The following DNAH14 variants were observed in gnomAD, a reference collection of about 807,000 sequenced individuals.
DNAH14 encodes the protein dynein axonemal heavy chain 14.
A neutral mutation model predicts 520.9 loss-of-function variants in DNAH14; 478 were observed. That is an observed-to-expected ratio of 0.92 (90% CI 0.85 to 0.99). The LOEUF (loss-of-function observed/expected upper bound fraction) is 0.99, where lower values mean the gene tolerates loss of function less well. DNAH14 is among the 50% of genes least tolerant of loss of function. The pLI, the probability that DNAH14 is intolerant of heterozygous loss-of-function variation, is 0.00. For missense variants in DNAH14, 4,831 were observed against 5,234.5 expected, an observed-to-expected ratio of 0.92 and a Z score of 2.38; for synonymous variants, 1,581 against 1,757.2, an observed-to-expected ratio of 0.90 and a Z score of 2.51.
At chr1:225,106,589 T>G (rs1306556466) in intron 23 of DNAH14, among the ~76,000 whole-genome samples, 2 of 152,220 alleles carry the variant, frequency 1.3e-5, no homozygotes, top group African/African-American at 4.8e-5. Flanking sequence ...CTTTTTATTC[T>G]TTTTTCTCTA....
intron 55 of DNAH14, among the ~76,000 whole-genome samples, chr1:225,299,431 C>T (rs1399408721): frequency 6.6e-6 from 1 of 152,064 alleles, no homozygotes. Flanking sequence ...TTTTTGAGAG[C>T]AAATCCAAGT....
intron 41 of DNAH14, among the ~76,000 whole-genome samples, chr1:225,212,346 A>G (rs921665927): frequency 6.6e-6 from 1 of 152,140 alleles, no homozygotes; most frequent in Non-Finnish European, 1.5e-5. Context: ...TGAGATTGTG[A>G]ATAGTGCCGC....
intron 8 of DNAH14, among the ~76,000 whole-genome samples, chr1:224,987,937 C>T (rs575100177): frequency 3.9e-4 from 59 of 152,176 alleles, no homozygotes; most frequent in Non-Finnish European, 7.1e-4. Context: ...ATGTGCAGGA[C>T]GTGCAGGTTT....
intron 30 of DNAH14, among the ~76,000 whole-genome samples, chr1:225,146,265 T>TCTGATTC (rs2079930763): frequency 6.6e-6 from 1 of 152,156 alleles, no homozygotes; most frequent in Non-Finnish European, 1.5e-5. Context: ...TAAGACAAGA[T>TCTGATTC]CTGATTCCTG....
At position 225,080,558 on chromosome 1, in the gene DNAH14, A is replaced by C; in HGVS notation, c.2946A>C (p.Thr982=). ...ATTCTGTTAATGTGGAAGAAATTAC[A>C]CAGATTGTGCTTTCAGAGATCTCTG... ...HMHSVNVEEI[T]QIVLSEISDI... Residue 982 remains threonine, a synonymous_variant, in exon 19 of 86, where the codon ACA becomes ACC. Transcript: ENST00000682510. The C allele has an allele frequency of 6.4e-7, 1 of 1,551,978 alleles. No individual in the cohort carries two copies. Among genetic ancestry groups the C allele is most frequent in the Non-Finnish European group, 8.7e-7 (1 of 1,147,034 alleles).
At chr1:225,246,106 A>C (rs1269125831) in intron 43 of DNAH14, among the ~76,000 whole-genome samples, 3 of 72,604 alleles carry the variant, frequency 4.1e-5, no homozygotes, top group African/African-American at 5.6e-5. Context: ...CAAACCTGGC[A>C]AAAAAAAAAA....
At chr1:224,965,073 T>A (rs1321444703) in intron 5 of DNAH14, among the ~76,000 whole-genome samples, 1 of 152,122 alleles carries the variant, frequency 6.6e-6, no homozygotes, top group Non-Finnish European at 1.5e-5. Flanking sequence ...TCTTACCCAT[T>A]AGCCTCTTTC....
At chr1:225,278,584 C>T (rs907259874) in intron 54 of DNAH14, among the ~76,000 whole-genome samples, 1 of 152,104 alleles carries the variant, frequency 6.6e-6, no homozygotes, top group African/African-American at 2.4e-5. Context: ...TAATATTACA[C>T]ATTAATTTTT....
intron 27 of DNAH14, among the ~76,000 whole-genome samples, chr1:225,139,689 A>G (rs1284227560): frequency 6.6e-6 from 1 of 152,260 alleles, no homozygotes; most frequent in African/African-American, 2.4e-5. Context: ...TCTCGCCAGA[A>G]CCAAGTCCTC....
intron 1 of DNAH14, among the ~76,000 whole-genome samples, chr1:224,943,467 TG>T (rs1395292158): frequency 1.3e-5 from 2 of 152,206 alleles, no homozygotes; most frequent in Non-Finnish European, 2.9e-5. Flanking sequence ...ATTGATTTTT[TG>T]AAGGGTTTTT....
intron 3 of DNAH14, among the ~76,000 whole-genome samples, chr1:224,957,366 G>A (rs1221069507): frequency 6.6e-6 from 1 of 152,134 alleles, no homozygotes. Flanking sequence ...TGCCAGTGAT[G>A]TCTAGGAGGC....
chr1:225,082,498 A>T (rs1166602549), intron 19 of DNAH14, 51 bp from the exon 20 acceptor site: 1 of 1,329,954 alleles, frequency 7.5e-7, no homozygotes, highest in Non-Finnish European at 9.8e-7. Context: ...TTTTTTGGTT[A>T]AAAAATATAA....
At position 224,955,099 on chromosome 1, in the gene DNAH14, GTATTTATCAAGAT is replaced by G; in HGVS notation, c.217+4_217+16del. 1.2e-6 allele frequency: 2 copies of G among 1,606,836 alleles called. No individual in the cohort carries two copies. Among genetic ancestry groups the G allele is most frequent in the Non-Finnish European group, 1.7e-6 (2 of 1,177,142 alleles). ...TCTTTGAAGTCAGAGAAAACAGAAG[GTATTTATCAAGAT>G]TACTATTCTGGCATGTTGATTTATA... is the stretch of plus-strand genomic sequence containing the variant. On this transcript the variant is annotated splice_donor_variant and splice_donor_5th_base_variant and intron_variant, in intron 3 of 85. Coordinates refer to ENST00000682510, the MANE Select transcript of DNAH14 (RefSeq NM_001367479.1). LOFTEE classifies it high-confidence loss of function.
intron 16 of DNAH14, 53 bp from the exon 17 acceptor site, chr1:225,051,398 T>A: frequency 7.7e-7 from 1 of 1,303,028 alleles, no homozygotes; most frequent in Non-Finnish European, 1.0e-6. Context: ...CCAAACCATT[T>A]TTCACTCTTA....
chr1:225,374,747 A>T lies in DNAH14; in HGVS notation c.12378A>T (p.Ala4126=). The change falls in exon 78 of 86, where the codon GCA becomes GCT. Residue 4126 remains alanine (A), a synonymous_variant. Transcript: ENST00000682510. ...GACAGCCCAGCATTTCGTGGCAAGC[A>T]CTGCGCTACCTGATTGGAGAAGTGA... The part of the protein sequence containing the change: ...LRGQPSISWQ[A]LRYLIGEVIY... 1.3e-6 allele frequency: 2 copies of T among 1,551,442 alleles called. No individual in the cohort carries two copies. The highest frequency in any genetic ancestry group is 2.4e-5 in the East Asian group (1 of 40,912).
chr1:225,133,410 G>A (rs2078635191), intron 27 of DNAH14, among the ~76,000 whole-genome samples: 1 of 152,130 alleles, frequency 6.6e-6, no homozygotes, highest in Non-Finnish European at 1.5e-5. Flanking sequence ...CGTATATGGT[G>A]TAAGGAAGGG....
chr1:225,128,196 T>G (rs2405701), intron 27 of DNAH14, among the ~76,000 whole-genome samples: 3 of 151,818 alleles, frequency 2.0e-5, no homozygotes, highest in African/African-American at 7.3e-5. Context: ...TGGAGTTGCT[T>G]TTCTTGAGGA....
intron 10 of DNAH14, among the ~76,000 whole-genome samples, chr1:225,021,633 G>T (rs1220728356): frequency 6.6e-6 from 1 of 152,142 alleles, no homozygotes; most frequent in Non-Finnish European, 1.5e-5. Context: ...AGAAATTAGA[G>T]ATGACACAAA....
At chr1:225,193,481 G>C (rs949754551) in intron 38 of DNAH14, among the ~76,000 whole-genome samples, 7 of 152,176 alleles carry the variant, frequency 4.6e-5, no homozygotes, top group Admixed American at 3.9e-4. Context: ...CTTAAGCCTG[G>C]CAGTTCAAGA....
Sources: allele counts gnomAD v4.1 joint callset (sites outside exome capture counted in the v4.1 genomes callset), GRCh38; gene constraint gnomAD v4.1.1; transcripts MANE v1.5; gene names NCBI Gene and HGNC (gene_info 2026-07-23, HGNC 2026-07-21).